Variants in FBXL15 observed in about 807,000 individuals in gnomAD.
The protein encoded by FBXL15 is F-box and leucine rich repeat protein 15, also known as F-box/LRR-repeat protein 15.
In FBXL15, 19 loss-of-function variants were observed where a neutral mutation model predicts 23.6. The observed-to-expected ratio is 0.81, with a 90% CI of 0.56 to 1.18. The LOEUF is 1.18. FBXL15 is among the 50% of genes most tolerant of loss of function. FBXL15 has a pLI of 0.00. For synonymous variants in FBXL15, 224 were observed against 207.7 expected, an observed-to-expected ratio of 1.08 and a Z score of -0.67; for missense variants, 385 against 425.4, an observed-to-expected ratio of 0.91 and a Z score of 0.83.
rs2061555119 is a variant in FBXL15 at position 102,421,155 on chromosome 10, G to A, written c.26G>A (p.Gly9Glu). 4.3e-6 allele frequency: 7 copies of A among 1,611,120 alleles called. No homozygotes were observed. The highest frequency in any genetic ancestry group is 5.9e-6 in the Non-Finnish European group (7 of 1,178,764). Residue 9 changes from glycine (G) to glutamate (E), a missense_variant, in exon 1 of 4, where the codon GGA becomes GAA. Around this residue, in one of 2 missense-constraint regions of FBXL15, gnomAD observed 130 missense variants for 95.1 expected, o/e 1.37. Coordinates refer to ENST00000369956, the MANE Select transcript of FBXL15 (RefSeq NM_024326.4). ...ATGGAGCCACCGATGGAGCCGTCCG[G>A]AGGGGAGCAAGAGCCCGGAGCCGTC... Reference protein sequence around the residue: MEPPMEPSGGEQEPGAVRF... With the variant: MEPPMEPSEGEQEPGAVRF...
rs769579501 is a variant in FBXL15 at position 102,421,776 on chromosome 10, C to G, written c.208-11C>G. The G allele has an allele frequency of 4.5e-6, 7 of 1,539,504 alleles. No homozygotes were observed. The East Asian group carries it at 1.4e-4, about 32-fold the overall frequency. ...GACGGGCTGAGAGTTGGGGTGCCTC[C>G]CCGCCCGCAGGTGGGTCCGCAGATC... On this transcript the variant is annotated splice_polypyrimidine_tract_variant and intron_variant, in intron 2 of 3. Coordinates refer to ENST00000369956, the MANE Select transcript of FBXL15 (RefSeq NM_024326.4).
chr10:102,421,841 G>T lies in FBXL15; in HGVS notation c.262G>T (p.Gly88Trp). ...ALARLLRDAE[G>W]LQELALAPCH... The stretch of plus-strand genomic sequence containing the variant: ...GGCCCGGCTGCTGCGGGATGCCGAG[G>T]GGCTGCAGGAGCTGGCACTGGCGCC... Residue 88 changes from glycine (G) to tryptophan (W), a missense_variant, in exon 3 of 4, where the codon GGG becomes TGG. Physicochemically the swap from Gly to Trp is radical, Grantham distance 184 (BLOSUM62 -2). This residue lies in a region of FBXL15 where 255 missense variants were observed against 330.2 expected (regional missense o/e 0.77). Coordinates refer to ENST00000369956, the MANE Select transcript of FBXL15 (RefSeq NM_024326.4). 6.3e-7 allele frequency: 1 copy of T among 1,589,510 alleles called. No homozygotes were observed.
rs2061571665 is a variant in FBXL15, at chr10:102,422,059, C to T, written c.480C>T (p.Gly160=). The T allele has an allele frequency of 1.3e-6, 2 of 1,589,970 alleles. No homozygotes were observed. Among genetic ancestry groups the T allele is most frequent in the East Asian group, 4.5e-5 (2 of 44,350 alleles). ...CDWVDGLALR[G]LADRCPALEE... ...GGGTGGACGGGCTGGCGCTGCGCGG[C>T]CTCGCTGATCGCTGCCCGGCCCTGG... The change falls in exon 3 of 4, where the codon GGC becomes GGT. Residue 160 remains glycine (G), a synonymous_variant. Transcript: ENST00000369956.
chr10:102,421,259 C>T (rs1260069109), intron 1 of FBXL15, 77 bp downstream of exon 1: 2 of 1,572,926 alleles, frequency 1.3e-6, no homozygotes, highest in African/African-American at 1.4e-5. Context: ...GTCTGGGGGC[C>T]GCTCTTGGGA....
rs768963002 is a variant in FBXL15, at chr10:102,422,960, G to C, written c.870G>C (p.Ala290=). Residue 290 remains alanine, a synonymous_variant, in exon 4 of 4, where the codon GCG becomes GCC. Transcript: ENST00000369956. ...CCCTGGTGCTGCTGCAGGATATGGC[G>C]GGCTTCGCACCTTTTGTCAACCTGC... ...HQALVLLQDM[A]GFAPFVNLQV The C allele has an allele frequency of 6.3e-7, 1 of 1,583,094 alleles. No homozygotes were observed. The highest frequency in any genetic ancestry group is 1.3e-5 in the African/African-American group (1 of 74,246).
Position 102,421,427 on chromosome 10 carries a change from C to T in FBXL15, c.127C>T (p.Arg43Trp), listed in dbSNP as rs376935734. Residue 43 changes from arginine (R) to tryptophan (W), a missense_variant, in exon 2 of 4, where the codon CGG (arginine) becomes TGG (tryptophan). This residue lies in a region of FBXL15 where 130 missense variants were observed against 95.1 expected (regional missense o/e 1.37). Coordinates refer to ENST00000369956, the MANE Select transcript of FBXL15 (RefSeq NM_024326.4). Reference sequence around the variant, plus strand: ...CCGGGTCCCGCTGCGCCAGCTGCTCCGGCTGCAGCGCGTTAGCCGGGCCTT... The same window carrying T: ...CCGGGTCCCGCTGCGCCAGCTGCTCTGGCTGCAGCGCGTTAGCCGGGCCTT... ...LNRVPLRQLL[R>W]LQRVSRAFRS... is the part of the protein sequence containing the mutation. 2 of 1,558,170 alleles carry T rather than the reference C, an allele frequency of 1.3e-6. No homozygotes were observed. Among genetic ancestry groups the T allele is most frequent in the East Asian group, 2.4e-5 (1 of 41,700 alleles).
chr10:102,421,889 G>A lies in FBXL15; in HGVS notation c.310G>A (p.Glu104Lys), dbSNP rs758937786. Residue 104 changes from glutamate (E) to lysine (K), a missense_variant, in exon 3 of 4, where the codon GAG becomes AAG. By Grantham distance (56) the Glu-to-Lys change is moderately conservative. Around this residue, in one of 2 missense-constraint regions of FBXL15, gnomAD observed 255 missense variants for 330.2 expected, o/e 0.77. Transcript: ENST00000369956. ...LAPCHEWLSD[E>K]DLVPVLARNP... The stretch of plus-strand genomic sequence containing the variant: ...GCCGTGTCACGAATGGCTGTCAGAC[G>A]AGGACCTGGTGCCGGTGCTGGCGCG... 12 of 1,605,908 alleles carry A rather than the reference G, an allele frequency of 7.5e-6. No individual in the cohort carries two copies. The highest frequency in any genetic ancestry group is 1.0e-5 in the Non-Finnish European group (12 of 1,179,244).
chr10:102,423,124 G>A lies in FBXL15; in HGVS notation c.*131G>A, dbSNP rs1362709746. On this transcript the variant is annotated 3_prime_UTR_variant, in exon 4 of 4. Coordinates refer to ENST00000369956, the MANE Select transcript of FBXL15 (RefSeq NM_024326.4). This position sits in a 1 kb window ranked among gnomAD's most constrained non-coding sequence, Gnocchi z 5.6. The stretch of plus-strand genomic sequence containing the variant: ...CCCACCCTGGAGCTTCAAATAAAGA[G>A]CTTTTTACCCCCTCTTGCCTGGTGC... The A allele has an allele frequency of 9.7e-7, 1 of 1,026,250 alleles. No homozygotes were observed. The highest frequency in any genetic ancestry group is 1.6e-5 in the African/African-American group (1 of 61,806). 63.6% of individuals were successfully genotyped at this position (1,026,250 alleles called of 1,614,324 possible). A position where few individuals can be genotyped will look rare whatever the true frequency, so the allele number is the denominator to read the frequency against.
rs752349990 is a variant in FBXL15, at chr10:102,421,874, G to A, written c.295G>A (p.Glu99Lys). 2 of 1,604,716 alleles carry A rather than the reference G, an allele frequency of 1.2e-6. No individual in the cohort carries two copies. The highest frequency in any genetic ancestry group is 1.3e-5 in the African/African-American group (1 of 75,042). The change falls in exon 3 of 4, where the codon GAA becomes AAA. Residue 99 changes from glutamate (E) to lysine (K), a missense_variant. Coordinates refer to ENST00000369956, the MANE Select transcript of FBXL15 (RefSeq NM_024326.4). ...LQELALAPCHEWLSDEDLVPV... is the reference protein window; with the variant it reads ...LQELALAPCHKWLSDEDLVPV... Reference sequence around the variant, plus strand: ...GGAGCTGGCACTGGCGCCGTGTCACGAATGGCTGTCAGACGAGGACCTGGT... The same window carrying A: ...GGAGCTGGCACTGGCGCCGTGTCACAAATGGCTGTCAGACGAGGACCTGGT...
rs1384229867 is a variant in FBXL15 at position 102,423,030 on chromosome 10, C to T, written c.*37C>T. 2 of 1,499,248 alleles carry T rather than the reference C, an allele frequency of 1.3e-6. No homozygotes were observed. The highest frequency in any genetic ancestry group is 1.8e-6 in the Non-Finnish European group (2 of 1,117,684). 92.9% of individuals were successfully genotyped at this position (1,499,248 alleles called of 1,614,324 possible). On this transcript the variant is annotated 3_prime_UTR_variant, in exon 4 of 4. Coordinates refer to ENST00000369956, the MANE Select transcript of FBXL15 (RefSeq NM_024326.4). The surrounding 1 kb of genome is among the most constrained non-coding windows in gnomAD (Gnocchi z 5.6). ...ATCGGAGCACAGCTGGACTGTGTGG[C>T]TGGGGCCTGACACTGAGCTGTAGGG...
In FBXL15 at chr10:102,422,832, C is replaced by T; in HGVS notation, c.742C>T (p.Arg248Cys). Reference sequence around the variant, plus strand: ...ATTGGCCGAGTACTGCCCCGTGCTGCGTTCGCTGCGGGTGCGGCACTGCCA... The same window carrying T: ...ATTGGCCGAGTACTGCCCCGTGCTGTGTTCGCTGCGGGTGCGGCACTGCCA... ...RTLAEYCPVLRSLRVRHCHHV... is the reference protein window; with the variant it reads ...RTLAEYCPVLCSLRVRHCHHV... The change falls in exon 4 of 4, where the codon CGT becomes TGT. Residue 248 changes from arginine (R) to cysteine (C), a missense_variant. Physicochemically the swap from Arg to Cys is radical, Grantham distance 180 (BLOSUM62 -3). Transcript: ENST00000369956. 1 of 1,608,288 alleles carries T rather than the reference C, an allele frequency of 6.2e-7. No individual in the cohort carries two copies. The highest frequency in any genetic ancestry group is 1.1e-5 in the South Asian group (1 of 90,866).
In FBXL15 at chr10:102,421,841, G is replaced by A. The variant is rs1189264149; in HGVS notation, c.262G>A (p.Gly88Arg). 1.3e-6 allele frequency: 2 copies of A among 1,589,512 alleles called. No homozygotes were observed. The highest frequency in any genetic ancestry group is 1.7e-6 in the Non-Finnish European group (2 of 1,173,466). The change falls in exon 3 of 4, where the codon GGG (glycine) becomes AGG (arginine). Residue 88 changes from glycine to arginine, a missense_variant. Around this residue, in one of 2 missense-constraint regions of FBXL15, gnomAD observed 255 missense variants for 330.2 expected, o/e 0.77. Coordinates refer to ENST00000369956, the MANE Select transcript of FBXL15 (RefSeq NM_024326.4). ...GGCCCGGCTGCTGCGGGATGCCGAG[G>A]GGCTGCAGGAGCTGGCACTGGCGCC... ...ALARLLRDAE[G>R]LQELALAPCH...
In FBXL15 at chr10:102,421,504, G is replaced by T. The variant is rs747811067; in HGVS notation, c.204G>T (p.Ala68=). ...CCGGGCTGCGTCGCTTCGATGCCGC[G>T]CAGGTGAGCCGGGGGCTGAAGCCCC... ...HLAGLRRFDA[A]QVGPQIPRAA... Residue 68 remains alanine, a synonymous_variant, in exon 2 of 4, where the codon GCG becomes GCT. Transcript: ENST00000369956. 45 of 1,468,208 alleles carry T rather than the reference G, an allele frequency of 3.1e-5. No homozygotes were observed. Among genetic ancestry groups the T allele is most frequent in the Non-Finnish European group, 3.9e-5 (43 of 1,111,762 alleles). 90.9% of individuals were successfully genotyped at this position (1,468,208 alleles called of 1,614,324 possible).
chr10:102,422,476 T>A (rs1436534144), intron 3 of FBXL15, among the ~76,000 whole-genome samples, 184 bp downstream of exon 3: 1 of 152,196 alleles, frequency 6.6e-6, no homozygotes, highest in Non-Finnish European at 1.5e-5. Flanking sequence ...TTTAAAAACT[T>A]TTTTCAACCA....
At position 102,421,354 on chromosome 10, in the gene FBXL15, G is replaced by A. The variant is rs1295532409; in HGVS notation, c.54G>A (p.Arg18=). ...SGGEQEPGAV[R]FLDLPWEDVL... is the part of the protein sequence containing the mutation. ...AGTGCCAACGCCCCTTTACTCGCAG[G>A]TTCCTGGACCTGCCCTGGGAAGACG... The change falls in exon 2 of 4, where the codon AGG becomes AGA. Residue 18 remains arginine (R), a splice_region_variant and synonymous_variant. Transcript: ENST00000369956. The A allele has an allele frequency of 3.2e-6, 5 of 1,552,418 alleles. No individual in the cohort carries two copies. Among genetic ancestry groups the A allele is most frequent in the Admixed American group, 2.0e-5 (1 of 50,674 alleles).
rs771445348 is a variant in FBXL15, at chr10:102,421,528, C to T, written c.207+21C>T. The T allele has an allele frequency of 1.2e-5, 17 of 1,450,258 alleles. No individual in the cohort carries two copies. The South Asian group carries it at 2.2e-4, about 19-fold the overall frequency. The allele number at this position is 1,450,258 out of a possible 1,614,324, so 89.8% of individuals were successfully genotyped here. ...CGCAGGTGAGCCGGGGGCTGAAGCC[C>T]CGCCCCTGCCTGGGTACCGCCCCGC... On this transcript the variant is annotated intron_variant, in intron 2 of 3. Coordinates refer to ENST00000369956, the MANE Select transcript of FBXL15 (RefSeq NM_024326.4).
rs913027 is a variant in FBXL15, at chr10:102,421,213, G to A, written c.53+31G>A. The stretch of plus-strand genomic sequence containing the variant: ...GAGCACCGGAGGGGCCGAGAGGGAA[G>A]AGGAACCTGAGGGAGGGGAGCCGAG... On this transcript the variant is annotated intron_variant, in intron 1 of 3. Transcript: ENST00000369956. 9.7e-4 allele frequency: 1,555 copies of A among 1,599,004 alleles called. 16 individuals are homozygous for A. The African/African-American group carries it at 0.019, about 19-fold the overall frequency.
chr10:102,421,238 GCC>G lies in FBXL15; in HGVS notation c.53+57_53+58del, dbSNP rs1199239434. On this transcript the variant is annotated intron_variant, in intron 1 of 3. Transcript: ENST00000369956. ...GAGGAACCTGAGGGAGGGGAGCCGA[GCC>G]GGGGCTGGGTCTGGGGGCCGCTCTT... is the stretch of plus-strand genomic sequence containing the variant. The G allele has an allele frequency of 3.8e-6, 6 of 1,587,118 alleles. No homozygotes were observed. In the East Asian group the frequency reaches 1.4e-4, roughly 36 times the overall value.
intron 2 of FBXL15, 101 bp from the exon 3 acceptor site, chr10:102,421,686 G>A: frequency 2.1e-6 from 3 of 1,461,850 alleles, no homozygotes; most frequent in Non-Finnish European, 2.7e-6. Context: ...GGTCTCTCCT[G>A]GGAGAGCAGG....
Sources: gnomAD v4.1 joint callset for allele counts (sites outside exome capture counted in the v4.1 genomes callset) on GRCh38, gnomAD v4.1.1 for gene constraint, gnomAD v4.1.1 regional missense constraint, Gnocchi (gnomAD v3.1) non-coding constraint, MANE v1.5 for transcripts, NCBI Gene and HGNC (gene_info 2026-07-23, HGNC 2026-07-21) for gene names.